FOXO1: variants seen among roughly 807,000 people sequenced by gnomAD.
FOXO1 encodes the protein forkhead box protein O1.
Under a neutral mutation model 44.1 loss-of-function variants are expected in FOXO1, and 6 were observed. The ratio of observed to expected loss-of-function variants is 0.14; its 90% CI spans 0.07 to 0.27. FOXO1 has a LOEUF of 0.27. Ranked by LOEUF, FOXO1 falls within the 10% of genes least tolerant of loss-of-function variation. FOXO1 has a pLI of 1.00. For missense variants in FOXO1, 737 were observed against 888.8 expected, an observed-to-expected ratio of 0.83 and a Z score of 2.17; for synonymous variants, 380 against 362.7, an observed-to-expected ratio of 1.05 and a Z score of -0.54.
chr13:40,625,612 A>G (rs1013607558), intron 1 of FOXO1, among the ~76,000 whole-genome samples: 4 of 152,016 alleles, frequency 2.6e-5, no homozygotes, highest in Non-Finnish European at 5.9e-5. Context: ...CTGCCTTTGG[A>G]GTAGTCATTC....
intron 1 of FOXO1, among the ~76,000 whole-genome samples, chr13:40,639,930 G>GAC (rs1877293708): frequency 6.6e-6 from 1 of 152,182 alleles, no homozygotes; most frequent in Non-Finnish European, 1.5e-5. Context: ...CAATCCTCAC[G>GAC]ACAATCTTAG....
At chr13:40,598,682 T>C (rs1566071456) in intron 1 of FOXO1, among the ~76,000 whole-genome samples, 1 of 152,236 alleles carries the variant, frequency 6.6e-6, no homozygotes, top group African/African-American at 2.4e-5. Context: ...TCTCTGAACC[T>C]GAATACACCC....
intron 1 of FOXO1, among the ~76,000 whole-genome samples, chr13:40,626,427 A>G (rs992032968): frequency 6.6e-6 from 1 of 152,246 alleles, no homozygotes; most frequent in African/African-American, 2.4e-5. Flanking sequence ...GAGACAGCTC[A>G]TGCCCCACAC....
At chr13:40,583,720 TTG>T (rs2137854339) in intron 1 of FOXO1, among the ~76,000 whole-genome samples, 1 of 152,344 alleles carries the variant, frequency 6.6e-6, no homozygotes, top group Admixed American at 6.5e-5. Flanking sequence ...TAAAGGAATG[TTG>T]TGACTGTTTT....
At chr13:40,581,488 C>T (rs1036824588) in intron 1 of FOXO1, among the ~76,000 whole-genome samples, 1 of 152,178 alleles carries the variant, frequency 6.6e-6, no homozygotes, top group African/African-American at 2.4e-5. Flanking sequence ...AACCAAACTG[C>T]AGTAACTACA....
intron 1 of FOXO1, among the ~76,000 whole-genome samples, chr13:40,566,670 C>T (rs957485054): frequency 3.3e-5 from 5 of 152,144 alleles, no homozygotes; most frequent in Non-Finnish European, 5.9e-5. Flanking sequence ...TGAGCCACTG[C>T]GCCTGGCCTA....
At chr13:40,644,793 T>C (rs972331490) in intron 1 of FOXO1, among the ~76,000 whole-genome samples, 1 of 152,220 alleles carries the variant, frequency 6.6e-6, no homozygotes, top group African/African-American at 2.4e-5. Flanking sequence ...ATTTAACTCC[T>C]TTTACTAATG....
chr13:40,585,343 GCACACACACACACACA>G (rs1555248752), intron 1 of FOXO1, among the ~76,000 whole-genome samples: 1 of 147,020 alleles, frequency 6.8e-6, no homozygotes, highest in Non-Finnish European at 1.5e-5. Flanking sequence ...CTGCGCGCGC[GCACACACACACACACA>G]CACACACACA....
chr13:40,620,798 G>GATTT lies in FOXO1; in HGVS notation c.630+44784_630+44785insAAAT, dbSNP rs762814974. Among the ~76,000 whole-genome samples, 53 of 105,522 alleles carry GATTT rather than the reference G, an allele frequency of 5.0e-4. 4 individuals carry two copies. The East Asian group carries it at 6.3e-3, about 12-fold the overall frequency. 69.2% of individuals were successfully genotyped at this position (105,522 alleles called of 152,430 possible). A position where few individuals can be genotyped will look rare whatever the true frequency, so the allele number is the denominator to read the frequency against. ...CTGGAAAACTACTATTCTTCCCCTT[G>GATTT]CTTTTTTTTTTTTTTTTTGAGATGG... On this transcript the variant is annotated intron_variant, in intron 1 of 2. Transcript: ENST00000379561.
intron 1 of FOXO1, among the ~76,000 whole-genome samples, chr13:40,581,856 T>A (rs556657322): frequency 5.9e-4 from 90 of 152,298 alleles, no homozygotes; most frequent in East Asian, 1.2e-3. Context: ...AAGCTTTTTT[T>A]AAAAAGGGGA....
At chr13:40,592,131 C>T (rs1419385886) in intron 1 of FOXO1, among the ~76,000 whole-genome samples, 1 of 152,200 alleles carries the variant, frequency 6.6e-6, no homozygotes, top group Non-Finnish European at 1.5e-5. Flanking sequence ...CACCCATCAA[C>T]ACAACCTGTA....
At chr13:40,600,552 GA>G (rs1875779122) in intron 1 of FOXO1, among the ~76,000 whole-genome samples, 1 of 152,194 alleles carries the variant, frequency 6.6e-6, no homozygotes, top group South Asian at 2.1e-4. Flanking sequence ...TGCAAATGCT[GA>G]GTCAGATTCT....
At chr13:40,644,548 G>A (rs9549244) in intron 1 of FOXO1, among the ~76,000 whole-genome samples, 62,834 of 152,024 alleles carry the variant, frequency 0.41, 14,204 homozygotes, top group East Asian at 0.73. Flanking sequence ...ACGTGAGTCC[G>A]GTGGGATATA....
Position 40,560,062 on chromosome 13 carries a change from T to A in FOXO1, c.1429A>T (p.Met477Leu). Residue 477 changes from methionine (M) to leucine (L), a missense_variant, in exon 2 of 3, where the codon ATG (methionine) becomes TTG (leucine). Met to Leu is a conservative substitution (Grantham distance 15). Coordinates refer to ENST00000379561, the MANE Select transcript of FOXO1 (RefSeq NM_002015.4). This position sits in a 1 kb window ranked among gnomAD's most constrained non-coding sequence, Gnocchi z 5.1. ...GCTACCCCAGGATCAACTGGTGTCA[T>A]AATGTCATTATGGGGAGGAGAGTCA... ...TSDSPPHNDI[M>L]TPVDPGVAQP... 2.5e-6 allele frequency: 4 copies of A among 1,614,166 alleles called. No homozygotes were observed. Among genetic ancestry groups the A allele is most frequent in the Non-Finnish European group, 3.4e-6 (4 of 1,180,026 alleles).
At chr13:40,659,675 G>T (rs1489776619) in intron 1 of FOXO1, among the ~76,000 whole-genome samples, 2 of 151,822 alleles carry the variant, frequency 1.3e-5, no homozygotes, top group African/African-American at 4.8e-5. Context: ...ATACAAAAAT[G>T]GATGAAAGAA....
chr13:40,641,540 A>C (rs573235855), intron 1 of FOXO1, among the ~76,000 whole-genome samples: 2 of 152,226 alleles, frequency 1.3e-5, no homozygotes, highest in African/African-American at 2.4e-5. Flanking sequence ...AGATTCTGTT[A>C]ATTAACTGAT....
intron 1 of FOXO1, among the ~76,000 whole-genome samples, chr13:40,592,946 A>G (rs1019204383): frequency 2.6e-5 from 4 of 152,228 alleles, no homozygotes; most frequent in Admixed American, 1.3e-4. Context: ...ATATAAGATA[A>G]TAATTATGTT....
chr13:40,560,475 CCA>C lies in FOXO1; in HGVS notation c.1014_1015del (p.Gly339ArgfsTer25), dbSNP rs1873959196. On this transcript the variant is annotated frameshift_variant, in exon 2 of 3. Coordinates refer to ENST00000379561, the MANE Select transcript of FOXO1 (RefSeq NM_002015.4). LOFTEE classifies it high-confidence loss of function. The surrounding 1 kb of genome is among the most constrained non-coding windows in gnomAD (Gnocchi z 5.1). ...CACCATAGAATGCACATCCCCTTCT[CCA>C]AGATCATCCTGTTCGGTCATAATGG... 6.2e-7 allele frequency: 1 copy of C among 1,614,032 alleles called. No homozygotes were observed. The highest frequency in any genetic ancestry group is 1.3e-5 in the African/African-American group (1 of 74,916).
chr13:40,619,009 G>A lies in FOXO1; in HGVS notation c.630+46574C>T, dbSNP rs905544153. 8.3e-5 allele frequency: 42 copies of A among 507,676 alleles called. 2 individuals are homozygous for A. The highest frequency in any genetic ancestry group is 4.3e-4 in the African/African-American group (22 of 51,722). The allele number at this position is 507,676 out of a possible 1,614,324, so 31.4% of individuals were successfully genotyped here. ...ACTCGAGAAATGGAACAAACTGGCC[G>A]GACACCGTGACTCATGCCTGTAATC... On this transcript the variant is annotated intron_variant, in intron 1 of 2. Coordinates refer to ENST00000379561, the MANE Select transcript of FOXO1 (RefSeq NM_002015.4).
Sources: allele counts gnomAD v4.1 joint callset (sites outside exome capture counted in the v4.1 genomes callset), GRCh38; gene constraint gnomAD v4.1.1; non-coding constraint Gnocchi (gnomAD v3.1); transcripts MANE v1.5; gene names NCBI Gene and HGNC (gene_info 2026-07-23, HGNC 2026-07-21).